The following SLC25A42 variants were observed in gnomAD, a reference collection of about 807,000 sequenced individuals.
SLC25A42 encodes mitochondrial coenzyme A transporter SLC25A42.
SLC25A42 carries 19 observed loss-of-function variants against 34.7 expected under a neutral mutation model. The observed-to-expected ratio is 0.55, with a 90% CI of 0.38 to 0.80. The LOEUF (loss-of-function observed/expected upper bound fraction) is 0.80, where lower values mean the gene tolerates loss of function less well. Ranked by LOEUF, SLC25A42 falls within the 30% of genes least tolerant of loss-of-function variation. The pLI is 0.00. For missense variants in SLC25A42, 364 were observed against 441.3 expected, an observed-to-expected ratio of 0.82 and a Z score of 1.57; for synonymous variants, 205 against 191.2, an observed-to-expected ratio of 1.07 and a Z score of -0.59.
At chr19:19,085,409 T>A (rs1286688277) in intron 1 of SLC25A42, among the ~76,000 whole-genome samples, 1 of 145,386 alleles carries the variant, frequency 6.9e-6, no homozygotes, top group Admixed American at 7.0e-5. Flanking sequence ...GGAGAAGGAG[T>A]CTCGTTCTGT....
intron 1 of SLC25A42, among the ~76,000 whole-genome samples, chr19:19,074,027 C>T (rs551511941): frequency 2.0e-4 from 31 of 152,086 alleles, no homozygotes; most frequent in Non-Finnish European, 1.2e-4. Flanking sequence ...GCTTTTGAGG[C>T]GAGGACAGTT....
chr19:19,084,231 C>A (rs760883817), intron 1 of SLC25A42, among the ~76,000 whole-genome samples: 1 of 152,216 alleles, frequency 6.6e-6, no homozygotes, highest in Non-Finnish European at 1.5e-5. Flanking sequence ...TCCCACCCAG[C>A]GTCCACCACA....
chr19:19,106,304 C>T lies in SLC25A42; in HGVS notation c.416C>T (p.Ala139Val), dbSNP rs2059827562. ...CCTTGGCCTCGCCTCTTCGCCGGCGCACTGGCTGGAACGACAGCCGCTTCA... is the reference window on the plus strand; with the variant it reads ...CCTTGGCCTCGCCTCTTCGCCGGCGTACTGGCTGGAACGACAGCCGCTTCA... ...LPPWPRLFAG[A>V]LAGTTAASLT... Residue 139 changes from alanine to valine, a missense_variant, in exon 6 of 8, where the codon GCA (alanine) becomes GTA (valine). By Grantham distance (64) the Ala-to-Val change is moderately conservative. Coordinates refer to ENST00000318596, the MANE Select transcript of SLC25A42 (RefSeq NM_178526.5). 6 of 1,613,330 alleles carry T rather than the reference C, an allele frequency of 3.7e-6. No homozygotes were observed. In the East Asian group the frequency reaches 1.3e-4, roughly 36 times the overall value.
chr19:19,097,766 C>T (rs1404993780), intron 2 of SLC25A42, among the ~76,000 whole-genome samples: 1 of 152,134 alleles, frequency 6.6e-6, no homozygotes, highest in African/African-American at 2.4e-5. Context: ...AGTTCGAGAC[C>T]AGCCTGGCCA....
intron 1 of SLC25A42, among the ~76,000 whole-genome samples, chr19:19,071,810 G>T (rs1599664383): frequency 1.3e-5 from 2 of 151,956 alleles, no homozygotes; most frequent in East Asian, 3.9e-4. Flanking sequence ...AGGTTGCACT[G>T]AGCCAAGATT....
At chr19:19,085,924 G>A (rs1455755570) in intron 1 of SLC25A42, among the ~76,000 whole-genome samples, 3 of 152,198 alleles carry the variant, frequency 2.0e-5, no homozygotes, top group Admixed American at 1.3e-4. Context: ...AACCAGGGCT[G>A]CCAGCGCCCT....
intron 1 of SLC25A42, among the ~76,000 whole-genome samples, chr19:19,086,000 C>T (rs1255780144): frequency 1.3e-5 from 2 of 152,202 alleles, no homozygotes; most frequent in African/African-American, 4.8e-5. Flanking sequence ...CTCCACAGTA[C>T]GCCTTGGGAC....
At position 19,111,011 on chromosome 19, in the gene SLC25A42, G is replaced by A; in HGVS notation, c.*135G>A. On this transcript the variant is annotated 3_prime_UTR_variant, in exon 8 of 8. Transcript: ENST00000318596. ...CTTTATGGAACGAGCAGGTGGGCCT[G>A]AGGGGCCTGGGCTCAGAGTCCACGT... The A allele has an allele frequency of 1.0e-6, 1 of 999,572 alleles. No homozygotes were observed. Among genetic ancestry groups the A allele is most frequent in the Non-Finnish European group, 1.5e-6 (1 of 686,058 alleles). The allele number at this position is 999,572 out of a possible 1,614,324, so 61.9% of individuals were successfully genotyped here.
At chr19:19,086,744 G>C (rs1018097282) in intron 1 of SLC25A42, among the ~76,000 whole-genome samples, 12 of 151,944 alleles carry the variant, frequency 7.9e-5, no homozygotes, top group Non-Finnish European at 2.9e-5. Flanking sequence ...GGTTTCAGAT[G>C]ATCCTCCTGC....
At position 19,082,818 on chromosome 19, in the gene SLC25A42, T is replaced by G. The variant is rs146430019; in HGVS notation, c.-34-13273T>G. ...TGTGCCACCAAGCCCAACTAATTTT[T>G]TTTTTGTTGTTGTTGTTGAGATGGA... On this transcript the variant is annotated intron_variant, in intron 1 of 7. Coordinates refer to ENST00000318596, the MANE Select transcript of SLC25A42 (RefSeq NM_178526.5). Among the ~76,000 whole-genome samples, 899 of 152,080 alleles carry G rather than the reference T, an allele frequency of 5.9e-3. 9 individuals are homozygous for G. Among genetic ancestry groups the G allele is most frequent in the African/African-American group, 0.019 (790 of 41,450 alleles).
intron 1 of SLC25A42, among the ~76,000 whole-genome samples, chr19:19,078,035 G>A (rs775155661): frequency 7.2e-5 from 11 of 152,200 alleles, no homozygotes; most frequent in Non-Finnish European, 1.0e-4. Context: ...TACCACACAC[G>A]TGTTCCCATT....
At chr19:19,076,402 G>A (rs768713485) in intron 1 of SLC25A42, among the ~76,000 whole-genome samples, 1 of 152,106 alleles carries the variant, frequency 6.6e-6, no homozygotes, top group Non-Finnish European at 1.5e-5. Context: ...CCTGGGAGGT[G>A]GAGGTTGCAG....
chr19:19,096,150 C>T lies in SLC25A42; in HGVS notation c.26C>T (p.Pro9Leu), dbSNP rs117940121. 2,299 of 1,613,614 alleles carry T rather than the reference C, an allele frequency of 1.4e-3. 2 individuals are homozygous for T. Among genetic ancestry groups the T allele is most frequent in the Non-Finnish European group, 1.7e-3 (2,062 of 1,179,996 alleles). MGNGVKEG[P>L]VRLHEDAEAV... is the part of the protein sequence containing the mutation. ...ATGGGTAATGGTGTGAAGGAAGGCC[C>T]GGTGCGATTGCATGAGGATGCTGAG... Residue 9 changes from proline to leucine, a missense_variant, in exon 2 of 8, where the codon CCG becomes CTG. Coordinates refer to ENST00000318596, the MANE Select transcript of SLC25A42 (RefSeq NM_178526.5).
In SLC25A42 at chr19:19,081,705, G is replaced by A. The variant is rs1483932889; in HGVS notation, c.-34-14386G>A. ...ACCTGGACAGGCTCCTGAGGCGCCC[G>A]CCACCTCCCTCCACTGCAGCCTACC... On this transcript the variant is annotated intron_variant, in intron 1 of 7. Transcript: ENST00000318596. This position sits in a 1 kb window ranked among gnomAD's most constrained non-coding sequence, Gnocchi z 4.5. 6.6e-6 allele frequency among the ~76,000 whole-genome samples: 1 copy of A among 152,126 alleles called. No individual in the cohort carries two copies. The highest frequency in any genetic ancestry group is 2.4e-5 in the African/African-American group (1 of 41,424).
At chr19:19,094,444 C>A (rs2059754184) in intron 1 of SLC25A42, among the ~76,000 whole-genome samples, 1 of 151,770 alleles carries the variant, frequency 6.6e-6, no homozygotes, top group African/African-American at 2.4e-5. Context: ...TGCCCATGAC[C>A]CCCTCGCCAC....
chr19:19,079,642 T>C (rs2059671466), intron 1 of SLC25A42, among the ~76,000 whole-genome samples: 1 of 152,242 alleles, frequency 6.6e-6, no homozygotes, highest in Non-Finnish European at 1.5e-5. Context: ...ACATTTTGTA[T>C]ATCCATTCAT....
intron 2 of SLC25A42, 46 bp downstream of exon 2, chr19:19,096,251 G>GCCAGGGGCCCCCCCCCCCCCCCCC: frequency 6.6e-7 from 1 of 1,510,442 alleles, no homozygotes; most frequent in East Asian, 2.3e-5. Context: ...TGGGGCCCCA[G>GCCAGGGGCCCCCCCCCCCCCCCCC]CCTCCCCACC....
At chr19:19,080,357 C>CCT (rs1288161389) in intron 1 of SLC25A42, among the ~76,000 whole-genome samples, 1 of 152,134 alleles carries the variant, frequency 6.6e-6, no homozygotes, top group Non-Finnish European at 1.5e-5. Flanking sequence ...AGCCCCACCC[C>CCT]CTACCCATTG....
intron 2 of SLC25A42, among the ~76,000 whole-genome samples, chr19:19,100,159 T>C (rs1016460669): frequency 1.3e-5 from 2 of 151,788 alleles, no homozygotes; most frequent in Non-Finnish European, 2.9e-5. Flanking sequence ...CTGGCCAACA[T>C]GGCGAAACCT....
Sources: gnomAD v4.1 joint callset for allele counts (sites outside exome capture counted in the v4.1 genomes callset) on GRCh38, gnomAD v4.1.1 for gene constraint, Gnocchi (gnomAD v3.1) non-coding constraint, MANE v1.5 for transcripts, NCBI Gene and HGNC (gene_info 2026-07-23, HGNC 2026-07-21) for gene names.